Variants in ADAM29 observed in about 807,000 individuals in gnomAD.
ADAM29 encodes disintegrin and metalloproteinase domain-containing protein 29.
For missense variants in ADAM29, 969 were observed against 1,001.8 expected, an observed-to-expected ratio of 0.97 and a Z score of 0.44; for synonymous variants, 367 against 342.3, an observed-to-expected ratio of 1.07 and a Z score of -0.80.
Position 174,977,275 on chromosome 4 carries a change from A to G in ADAM29, c.1750A>G (p.Thr584Ala). Residue 584 changes from threonine (T) to alanine (A), a missense_variant, in exon 5 of 5, where the codon ACT (threonine) becomes GCT (alanine). Transcript: ENST00000359240. ...CTTCAATGACATAATGTGCTGGAGT[A>G]CTGATTACCATTTGGGGATGAAGGG... ...ARFNDIMCWS[T>A]DYHLGMKGPD... 1.2e-6 allele frequency: 2 copies of G among 1,613,982 alleles called. No homozygotes were observed. The highest frequency in any genetic ancestry group is 1.7e-6 in the Non-Finnish European group (2 of 1,180,004).
At chr4:174,957,303 T>C (rs556274040) in intron 4 of ADAM29, among the ~76,000 whole-genome samples, 2 of 151,990 alleles carry the variant, frequency 1.3e-5, no homozygotes, top group Non-Finnish European at 1.5e-5. Flanking sequence ...AAGGATTATA[T>C]TATTGCAAAT....
At chr4:174,926,533 C>T (rs1743525190) in intron 2 of ADAM29, among the ~76,000 whole-genome samples, 4 of 151,588 alleles carry the variant, frequency 2.6e-5, no homozygotes, top group South Asian at 4.2e-4. Flanking sequence ...ACAAGCTGAC[C>T]GGGGAGGATT....
intron 2 of ADAM29, among the ~76,000 whole-genome samples, chr4:174,927,705 A>C (rs1743599054): frequency 6.6e-6 from 1 of 152,140 alleles, no homozygotes; most frequent in Non-Finnish European, 1.5e-5. Flanking sequence ...TAATATATTT[A>C]TAGGGCTAGT....
Position 174,976,686 on chromosome 4 carries a change from A to G in ADAM29, c.1161A>G (p.Glu387=). Residue 387 remains glutamate (E), a synonymous_variant, in exon 5 of 5, where the codon GAA becomes GAG. Transcript: ENST00000359240. Reference sequence around the variant, plus strand: ...TAGAGAGGACAAAGTGTTTGCTTGAAACAGTACACACAAAGGACATCTTTA... The same window carrying G: ...TAGAGAGGACAAAGTGTTTGCTTGAGACAGTACACACAAAGGACATCTTTA... ...YTVERTKCLL[E]TVHTKDIFNV... 1 of 1,614,014 alleles carries G rather than the reference A, an allele frequency of 6.2e-7. No individual in the cohort carries two copies. The highest frequency in any genetic ancestry group is 1.1e-5 in the South Asian group (1 of 91,044).
In ADAM29 at chr4:174,977,188, C is replaced by A. The variant is rs1374397845; in HGVS notation, c.1663C>A (p.Gln555Lys). 6.2e-7 allele frequency: 1 copy of A among 1,613,978 alleles called. No homozygotes were observed. Among genetic ancestry groups the A allele is most frequent in the Non-Finnish European group, 8.5e-7 (1 of 1,180,020 alleles). ...NISDVQCGRI[Q>K]CENVTEIPNM... ...CTCAGATGTCCAGTGTGGAAGAATT[C>A]AGTGTGAGAATGTGACAGAAATTCC... The change falls in exon 5 of 5, where the codon CAG becomes AAG. Residue 555 changes from glutamine (Q) to lysine (K), a missense_variant. Transcript: ENST00000359240.
At chr4:174,919,172 C>T (rs1377878544) in intron 1 of ADAM29, among the ~76,000 whole-genome samples, 1 of 152,152 alleles carries the variant, frequency 6.6e-6, no homozygotes, top group Non-Finnish European at 1.5e-5. Flanking sequence ...AGTCTATAAA[C>T]TTTCTGATGG....
intron 4 of ADAM29, among the ~76,000 whole-genome samples, chr4:174,962,624 TTTAAGTG>T (rs1034218288): frequency 8.5e-5 from 13 of 152,244 alleles, no homozygotes; most frequent in South Asian, 8.3e-4. Flanking sequence ...TAGAGTGGAT[TTTAAGTG>T]TTTTCACCAC....
chr4:174,976,776 G>A lies in ADAM29; in HGVS notation c.1251G>A (p.Lys417=), dbSNP rs145402389. 8.5e-5 allele frequency: 137 copies of A among 1,614,034 alleles called. No individual in the cohort carries two copies. Among genetic ancestry groups the A allele is most frequent in the Admixed American group, 2.0e-4 (12 of 60,006 alleles). The change falls in exon 5 of 5, where the codon AAG becomes AAA. Residue 417 remains lysine (K), a synonymous_variant. Transcript: ENST00000359240. ...EGEECDCGPL[K]HCAKDPCCLS... Reference sequence around the variant, plus strand: ...AAGAGTGTGACTGTGGACCTTTAAAGCATTGTGCAAAAGATCCCTGCTGTC... The same window carrying A: ...AAGAGTGTGACTGTGGACCTTTAAAACATTGTGCAAAAGATCCCTGCTGTC...
chr4:174,960,801 G>A (rs1378615557), intron 4 of ADAM29, among the ~76,000 whole-genome samples: 1 of 152,088 alleles, frequency 6.6e-6, no homozygotes, highest in Non-Finnish European at 1.5e-5. Flanking sequence ...ATCAAACCAG[G>A]CCAAACCAAA....
rs751968146 is a variant in ADAM29, at chr4:174,975,816, G to A, written c.291G>A (p.Gln97=). Residue 97 remains glutamine (Q), a synonymous_variant, in exon 5 of 5, where the codon CAG becomes CAA. Coordinates refer to ENST00000359240, the MANE Select transcript of ADAM29 (RefSeq NM_014269.4). ...TCCTTGAGGACCAGCCATTTGTCCAGAATAACTGCTACTATCATGGTTATG... is the reference window on the plus strand; with the variant it reads ...TCCTTGAGGACCAGCCATTTGTCCAAAATAACTGCTACTATCATGGTTATG... ...GAILEDQPFV[Q]NNCYYHGYVE... is the part of the protein sequence containing the mutation. The A allele has an allele frequency of 6.8e-6, 11 of 1,614,062 alleles. No individual in the cohort carries two copies.
intron 4 of ADAM29, among the ~76,000 whole-genome samples, chr4:174,970,249 A>G (rs1303924922): frequency 6.6e-6 from 1 of 152,166 alleles, no homozygotes; most frequent in Non-Finnish European, 1.5e-5. Flanking sequence ...CAAAGATTCC[A>G]ATTTACATGG....
At chr4:174,931,390 T>G (rs1743864232) in intron 3 of ADAM29, 1 of 152,210 alleles carries the variant, frequency 6.6e-6, no homozygotes, top group Non-Finnish European at 1.5e-5. Context: ...CATCTCAATT[T>G]CAAAATAAGG....
intron 4 of ADAM29, among the ~76,000 whole-genome samples, chr4:174,945,298 GA>G (rs912825864): frequency 1.4e-5 from 1 of 70,944 alleles, no homozygotes; most frequent in Non-Finnish European, 4.3e-5. Context: ...GTTTTCTTTT[GA>G]AAGGGTGTCT....
At chr4:174,939,239 T>C (rs917457949) in intron 4 of ADAM29, among the ~76,000 whole-genome samples, 2 of 152,178 alleles carry the variant, frequency 1.3e-5, no homozygotes, top group East Asian at 1.9e-4. Context: ...TTTTTGATCA[T>C]AGTACTCATA....
rs564533828 is a variant in ADAM29, at chr4:174,940,355, C to A, written c.-181+3342C>A. Among the ~76,000 whole-genome samples the A allele has an allele frequency of 7.0e-4, 107 of 152,170 alleles. 1 individual carries two copies. Among genetic ancestry groups the A allele is most frequent in the Admixed American group, 2.2e-3 (33 of 15,282 alleles). ...AGATATAACATGAGATATTAATAGA[C>A]AAAACCGCAATGTTAACATGATGAC... is the stretch of plus-strand genomic sequence containing the variant. On this transcript the variant is annotated intron_variant, in intron 4 of 4. Transcript: ENST00000359240.
chr4:174,958,100 T>C (rs1745608494), intron 4 of ADAM29, among the ~76,000 whole-genome samples: 2 of 151,848 alleles, frequency 1.3e-5, no homozygotes, highest in Non-Finnish European at 3.0e-5. Flanking sequence ...TTAGTAAATA[T>C]TCTATATAAG....
intron 4 of ADAM29, among the ~76,000 whole-genome samples, chr4:174,959,322 T>A (rs972555448): frequency 6.6e-6 from 1 of 151,896 alleles, no homozygotes; most frequent in Non-Finnish European, 1.5e-5. Context: ...AGGGGCGAAG[T>A]CAGCTATAAT....
rs756955934 is a variant in ADAM29 at position 174,975,861 on chromosome 4, C to T, written c.336C>T (p.Ser112=). ...GTTATGTGGAAGGGGACCCAGAATCCCTGGTTTCCCTCAGTACCTGTTTTG... is the reference window on the plus strand; with the variant it reads ...GTTATGTGGAAGGGGACCCAGAATCTCTGGTTTCCCTCAGTACCTGTTTTG... The part of the protein sequence containing the change: ...YHGYVEGDPE[S]LVSLSTCFGG... The change falls in exon 5 of 5, where the codon TCC becomes TCT. Residue 112 remains serine (S), a synonymous_variant. Coordinates refer to ENST00000359240, the MANE Select transcript of ADAM29 (RefSeq NM_014269.4). The T allele has an allele frequency of 6.2e-7, 1 of 1,613,790 alleles. No individual in the cohort carries two copies. The highest frequency in any genetic ancestry group is 1.7e-5 in the Admixed American group (1 of 59,970).
chr4:174,975,651 C>T lies in ADAM29; in HGVS notation c.126C>T (p.Thr42=). 1 of 1,613,108 alleles carries T rather than the reference C, an allele frequency of 6.2e-7. No homozygotes were observed. The highest frequency in any genetic ancestry group is 2.2e-5 in the East Asian group (1 of 44,874). Residue 42 remains threonine, a synonymous_variant, in exon 5 of 5, where the codon ACC becomes ACT. Coordinates refer to ENST00000359240, the MANE Select transcript of ADAM29 (RefSeq NM_014269.4). ...DVVIPVRITG[T]TRGMTPPGWL... is the part of the protein sequence containing the mutation. ...TGATTCCTGTGAGGATAACTGGCAC[C>T]ACCAGAGGCATGACACCTCCAGGCT...
Sources: gnomAD v4.1 joint callset for allele counts (sites outside exome capture counted in the v4.1 genomes callset) on GRCh38, gnomAD v4.1.1 for gene constraint, MANE v1.5 for transcripts, NCBI Gene and HGNC (gene_info 2026-07-23, HGNC 2026-07-21) for gene names.